The following GPBP1 variants were observed in gnomAD, a reference collection of about 807,000 sequenced individuals.
GPBP1 encodes the protein GC-rich promoter binding protein 1.
A neutral mutation model predicts 56.5 loss-of-function variants in GPBP1; 13 were observed. The ratio of observed to expected loss-of-function variants is 0.23; its 90% CI spans 0.15 to 0.37. The LOEUF is 0.37. Among genes scored for constraint, GPBP1 ranks in the 10% least tolerant of loss-of-function variants. The pLI is 1.00. For missense variants in GPBP1, 477 were observed against 572.3 expected, an observed-to-expected ratio of 0.83 and a Z score of 1.70; for synonymous variants, 204 against 188.9, an observed-to-expected ratio of 1.08 and a Z score of -0.66.
At position 57,246,426 on chromosome 5, in the gene GPBP1, G is replaced by T; in HGVS notation, c.605G>T (p.Gly202Val). ...CTTCCGTCACAGCCAGTTAAGAATG[G>T]AACTGGTCCAAGTGTTTATAAAGGT... Reference protein sequence around the residue: ...GNLPSQPVKNGTGPSVYKGLV... With the variant: ...GNLPSQPVKNVTGPSVYKGLV... The change falls in exon 7 of 12, where the codon GGA (glycine) becomes GTA (valine). Residue 202 changes from glycine to valine, a missense_variant. Around this residue, in one of 2 missense-constraint regions of GPBP1, gnomAD observed 414 missense variants for 458.2 expected, o/e 0.90. Transcript: ENST00000506184. 6.2e-7 allele frequency: 1 copy of T among 1,613,870 alleles called. No homozygotes were observed. The highest frequency in any genetic ancestry group is 8.5e-7 in the Non-Finnish European group (1 of 1,179,826).
intron 2 of GPBP1, among the ~76,000 whole-genome samples, chr5:57,202,663 G>T (rs1167277233): frequency 6.6e-6 from 1 of 152,056 alleles, no homozygotes; most frequent in East Asian, 1.9e-4. Flanking sequence ...GTATTTCAGA[G>T]AAAAAATTGC....
chr5:57,248,417 CTATT>C (rs1561371612), intron 8 of GPBP1, among the ~76,000 whole-genome samples: 4 of 120,696 alleles, frequency 3.3e-5, no homozygotes, highest in South Asian at 2.7e-4. Flanking sequence ...CCCTCATATA[CTATT>C]TTTTTTTTTT....
chr5:57,195,620 T>G (rs1157565717), intron 2 of GPBP1, among the ~76,000 whole-genome samples: 1 of 152,162 alleles, frequency 6.6e-6, no homozygotes, highest in Non-Finnish European at 1.5e-5. Context: ...TTTGCTTGTA[T>G]TTGAAGCCAT....
In GPBP1 at chr5:57,236,126, A is replaced by G; in HGVS notation, c.478+94A>G. ...TTTTTAAAATAGAGAGCAGGCTAGA[A>G]TAAAACTTTCTTTTTAAAGTATTTG... is the stretch of plus-strand genomic sequence containing the variant. On this transcript the variant is annotated intron_variant, in intron 6 of 11. Transcript: ENST00000506184. 5 of 791,528 alleles carry G rather than the reference A, an allele frequency of 6.3e-6. No homozygotes were observed. In the South Asian group the frequency reaches 6.4e-5, roughly 10 times the overall value. 49.0% of individuals were successfully genotyped at this position (791,528 alleles called of 1,614,324 possible). A position where few individuals can be genotyped will look rare whatever the true frequency, so the allele number is the denominator to read the frequency against.
intron 3 of GPBP1, 98 bp downstream of exon 3, chr5:57,214,291 G>A: frequency 9.0e-7 from 1 of 1,115,564 alleles, no homozygotes; most frequent in African/African-American, 1.5e-5. Flanking sequence ...TCTTTGCAGA[G>A]AAGTACATTT....
chr5:57,257,420 T>C (rs1741713962), intron 10 of GPBP1, among the ~76,000 whole-genome samples: 1 of 152,186 alleles, frequency 6.6e-6, no homozygotes, highest in Admixed American at 6.5e-5. Flanking sequence ...TTCTTAGTTT[T>C]ATTGTCAAGT....
Position 57,209,754 on chromosome 5 carries a change from G to T in GPBP1, c.-57-4320G>T, listed in dbSNP as rs72761780. Among the ~76,000 whole-genome samples, 10 of 152,124 alleles carry T rather than the reference G, an allele frequency of 6.6e-5. No individual in the cohort carries two copies. In the East Asian group the frequency reaches 1.9e-3, roughly 29 times the overall value. ...CTGCATCAATTAAGATGATCGTTTG[G>T]TATTTTTCTTTCATGTTATTAATGT... On this transcript the variant is annotated intron_variant, in intron 2 of 11. Transcript: ENST00000506184.
intron 2 of GPBP1, among the ~76,000 whole-genome samples, chr5:57,183,051 T>C (rs1006672318): frequency 6.6e-6 from 1 of 152,172 alleles, no homozygotes; most frequent in African/African-American, 2.4e-5. Context: ...TCCTACACTT[T>C]TCATGCAAGA....
At chr5:57,261,902 A>T (rs144120342) in intron 11 of GPBP1, among the ~76,000 whole-genome samples, 1,744 of 152,174 alleles carry the variant, frequency 0.011, 31 homozygotes, top group African/African-American at 0.04. Flanking sequence ...TTATTTAAAG[A>T]GTTGGGGTCT....
intron 10 of GPBP1, among the ~76,000 whole-genome samples, chr5:57,254,937 A>C (rs1483804628): frequency 6.6e-6 from 1 of 152,252 alleles, no homozygotes; most frequent in Non-Finnish European, 1.5e-5. Context: ...ATGCTACCAC[A>C]TAATACAGTT....
At chr5:57,231,834 A>G (rs12659589) in intron 5 of GPBP1, among the ~76,000 whole-genome samples, 41,338 of 152,012 alleles carry the variant, frequency 0.27, 5,761 homozygotes, top group Middle Eastern at 0.32. Flanking sequence ...ACTCTTACCA[A>G]GTTTCTGTTC....
intron 2 of GPBP1, among the ~76,000 whole-genome samples, chr5:57,190,310 C>A (rs1187403806): frequency 6.6e-6 from 1 of 151,916 alleles, no homozygotes; most frequent in Non-Finnish European, 1.5e-5. Context: ...ATCAGCTGGG[C>A]GTGGTGGCTC....
chr5:57,247,751 TG>T (rs1232321606), intron 8 of GPBP1, among the ~76,000 whole-genome samples: 4 of 151,532 alleles, frequency 2.6e-5, no homozygotes, highest in South Asian at 2.1e-4. Context: ...AATAATTTTT[TG>T]GGGGGTGGTA....
At chr5:57,217,457 G>C (rs1755746109) in intron 3 of GPBP1, among the ~76,000 whole-genome samples, 1 of 152,134 alleles carries the variant, frequency 6.6e-6, no homozygotes, top group Non-Finnish European at 1.5e-5. Context: ...CTTAATCCCA[G>C]CTACTTGGGA....
intron 2 of GPBP1, among the ~76,000 whole-genome samples, chr5:57,192,753 C>A (rs1235191589): frequency 2.9e-3 from 296 of 102,990 alleles, no homozygotes; most frequent in East Asian, 0.012. Flanking sequence ...AACTCCGTCT[C>A]AAAAAAAAAA....
rs1328168159 is a variant in GPBP1, at chr5:57,176,187, A to G, written c.-271A>G. 4 of 394,088 alleles carry G rather than the reference A, an allele frequency of 1.0e-5. No homozygotes were observed. The highest frequency in any genetic ancestry group is 8.2e-5 in the African/African-American group (4 of 48,580). 24.4% of individuals were successfully genotyped at this position (394,088 alleles called of 1,614,324 possible). On this transcript the variant is annotated 5_prime_UTR_variant, in exon 2 of 12. Transcript: ENST00000506184. ...AAGAAGACTTTGATCTTAAATCTAA[A>G]GAACTTGGCTAATTCGGGAGATAGC... is the stretch of plus-strand genomic sequence containing the variant.
In GPBP1 at chr5:57,231,326, GTTTT is replaced by G. The variant is rs1254526727; in HGVS notation, c.411+8_411+11del. 5 of 1,604,940 alleles carry G rather than the reference GTTTT, an allele frequency of 3.1e-6. No homozygotes were observed. The highest frequency in any genetic ancestry group is 4.3e-6 in the Non-Finnish European group (5 of 1,174,456). ...CAGTTTGAAGCTGAGGATTTTGTAAGTTTTTTATGACTTTTATACAAATGAAGTT... is the reference window on the plus strand; with the variant it reads ...CAGTTTGAAGCTGAGGATTTTGTAAGTTATGACTTTTATACAAATGAAGTT... On this transcript the variant is annotated splice_donor_region_variant and intron_variant, in intron 5 of 11. Transcript: ENST00000506184.
intron 6 of GPBP1, chr5:57,236,997 T>C: frequency 2.9e-6 from 2 of 685,934 alleles, no homozygotes; most frequent in Non-Finnish European, 5.1e-6. Context: ...ATCTTCCTCT[T>C]TATTTAAGGG....
chr5:57,211,498 G>A, intron 2 of GPBP1, among the ~76,000 whole-genome samples: 1 of 151,854 alleles, frequency 6.6e-6, no homozygotes, highest in East Asian at 1.9e-4. Flanking sequence ...CATACTTTAA[G>A]AACTAGATTT....
Sources: gnomAD v4.1 joint callset for allele counts (sites outside exome capture counted in the v4.1 genomes callset) on GRCh38, gnomAD v4.1.1 for gene constraint, gnomAD v4.1.1 regional missense constraint, MANE v1.5 for transcripts, NCBI Gene and HGNC (gene_info 2026-07-23, HGNC 2026-07-21) for gene names.